LIMCH1: variants seen among roughly 807,000 people sequenced by gnomAD.
The protein encoded by LIMCH1 is LIM and calponin homology domains 1, also known as LIM and calponin homology domains-containing protein 1.
LIMCH1 carries 113 observed loss-of-function variants against 176.5 expected under a neutral mutation model. The observed-to-expected ratio is 0.64, with a 90% CI of 0.55 to 0.75. The LOEUF (loss-of-function observed/expected upper bound fraction) is 0.75. Ranked by LOEUF, LIMCH1 falls within the 30% of genes least tolerant of loss-of-function variation. LIMCH1 has a pLI of 0.00. For synonymous variants in LIMCH1, 619 were observed against 645.9 expected, an observed-to-expected ratio of 0.96 and a Z score of 0.63; for missense variants, 1,674 against 1,814.9, an observed-to-expected ratio of 0.92 and a Z score of 1.41.
At chr4:41,426,225 T>C (rs879166666) in intron 1 of LIMCH1, among the ~76,000 whole-genome samples, 1 of 151,308 alleles carries the variant, frequency 6.6e-6, no homozygotes, top group Non-Finnish European at 1.5e-5. Flanking sequence ...GTTTCACCGT[T>C]TTAGCCGGGA....
At chr4:41,565,267 C>CT (rs2082568412) in intron 1 of LIMCH1, among the ~76,000 whole-genome samples, 1 of 151,114 alleles carries the variant, frequency 6.6e-6, no homozygotes, top group Non-Finnish European at 1.5e-5. Context: ...GATCTCCTTG[C>CT]TTTATGCATA....
At chr4:41,587,700 A>G (rs1282385216) in intron 1 of LIMCH1, among the ~76,000 whole-genome samples, 2 of 141,590 alleles carry the variant, frequency 1.4e-5, no homozygotes, top group African/African-American at 5.7e-5. Context: ...TCACTTGCAA[A>G]TAAGAGTCCC....
chr4:41,453,303 C>A (rs1281161797), intron 1 of LIMCH1, among the ~76,000 whole-genome samples: 1 of 152,174 alleles, frequency 6.6e-6, no homozygotes, highest in Non-Finnish European at 1.5e-5. Context: ...CCCACCTAGT[C>A]AAAAATCTGT....
At chr4:41,672,724 G>A (rs192268758) in intron 22 of LIMCH1, among the ~76,000 whole-genome samples, 3 of 152,218 alleles carry the variant, frequency 2.0e-5, no homozygotes, top group South Asian at 2.1e-4. Flanking sequence ...GGCCTTGTTC[G>A]CCCTCTGGAA....
At chr4:41,572,718 T>TCA (rs767897709) in intron 1 of LIMCH1, among the ~76,000 whole-genome samples, 3 of 152,190 alleles carry the variant, frequency 2.0e-5, no homozygotes, top group Non-Finnish European at 4.4e-5. Context: ...CAGAGTATTG[T>TCA]CACATGGTGT....
intron 1 of LIMCH1, among the ~76,000 whole-genome samples, chr4:41,539,596 G>A (rs2078366877): frequency 6.6e-6 from 1 of 152,128 alleles, no homozygotes. Context: ...CTAATCATCG[G>A]GCAGAGAGGG....
chr4:41,476,974 G>A (rs538074638), intron 1 of LIMCH1, among the ~76,000 whole-genome samples: 12 of 152,246 alleles, frequency 7.9e-5, no homozygotes, highest in South Asian at 2.1e-4. Context: ...AGGAAAAGGC[G>A]CATTGAAGAG....
intron 1 of LIMCH1, among the ~76,000 whole-genome samples, chr4:41,452,626 A>G (rs1353097190): frequency 6.6e-6 from 1 of 152,202 alleles, no homozygotes; most frequent in African/African-American, 2.4e-5. Context: ...GTAGACTCTA[A>G]GAGGCAGGGA....
intron 21 of LIMCH1, chr4:41,670,821 C>T: frequency 6.5e-7 from 1 of 1,534,720 alleles, no homozygotes; most frequent in Non-Finnish European, 8.7e-7. Context: ...AGCTGTATTT[C>T]TTTTGTGCGA....
intron 4 of LIMCH1, among the ~76,000 whole-genome samples, chr4:41,610,974 AGGAAGT>A (rs1369969840): frequency 1.3e-5 from 2 of 152,234 alleles, no homozygotes; most frequent in African/African-American, 4.8e-5. Context: ...TAACTCTGAA[AGGAAGT>A]GCTCACTGGA....
chr4:41,682,845 T>G (rs1717358950), intron 26 of LIMCH1, among the ~76,000 whole-genome samples: 1 of 151,924 alleles, frequency 6.6e-6, no homozygotes, highest in Non-Finnish European at 1.5e-5. Flanking sequence ...CCCAGCTAAT[T>G]TTTGTATTTT....
At chr4:41,437,543 A>T (rs986239715) in intron 1 of LIMCH1, among the ~76,000 whole-genome samples, 3 of 152,228 alleles carry the variant, frequency 2.0e-5, no homozygotes, top group African/African-American at 7.2e-5. Flanking sequence ...GCACAATTTT[A>T]CAGGCATACG....
At chr4:41,462,703 G>A (rs1417941214) in intron 1 of LIMCH1, among the ~76,000 whole-genome samples, 2 of 152,092 alleles carry the variant, frequency 1.3e-5, no homozygotes, top group African/African-American at 4.8e-5. Context: ...AAACCACAAA[G>A]CAATTTACTT....
At chr4:41,639,978 A>G (rs995650160) in intron 14 of LIMCH1, among the ~76,000 whole-genome samples, 6 of 152,204 alleles carry the variant, frequency 3.9e-5, no homozygotes, top group Non-Finnish European at 8.8e-5. Flanking sequence ...ATTTCCACCA[A>G]TGACAATGAG....
rs1202509874 is a variant in LIMCH1, at chr4:41,494,562, TA to T, written c.126del (p.Asp43IlefsTer6). On this transcript the variant is annotated frameshift_variant, in exon 2 of 27. Coordinates refer to the LIMCH1 transcript ENST00000313860. LOFTEE classifies it high-confidence loss of function. The stretch of plus-strand genomic sequence containing the variant: ...AAGTAACTGGCAGAAGTTTTGGTGA[TA>T]AAGATTTTCGGACAGGTTTAGAAAA... The T allele has an allele frequency of 2.5e-6, 4 of 1,613,392 alleles. No homozygotes were observed. The highest frequency in any genetic ancestry group is 3.4e-6 in the Non-Finnish European group (4 of 1,179,678).
In LIMCH1 at chr4:41,366,376, G is replaced by A. The variant is rs1368753416; in HGVS notation, c.96+5440G>A. Among the ~76,000 whole-genome samples the A allele has an allele frequency of 2.6e-5, 4 of 152,226 alleles. 1 individual carries two copies. Among genetic ancestry groups the A allele is most frequent in the Admixed American group, 2.0e-4 (3 of 15,288 alleles). ...ACCAAACTGTTCTTACTGGAATTAG[G>A]TTTTCCTTTTAAGCCCAGTTCACTG... On this transcript the variant is annotated intron_variant, in intron 1 of 26. Transcript: ENST00000313860.
In LIMCH1 at chr4:41,469,229, T is replaced by C. The variant is rs564562452; in HGVS notation, c.97-25307T>C. ...TGAAATAAAGCCAAGCACATTTGAG[T>C]GACTGACACTCCTCCTCTTCTGTTG... On this transcript the variant is annotated intron_variant, in intron 1 of 26. Transcript: ENST00000313860. Among the ~76,000 whole-genome samples, 3 of 152,312 alleles carry C rather than the reference T, an allele frequency of 2.0e-5. No individual in the cohort carries two copies. The East Asian group carries it at 5.8e-4, about 29-fold the overall frequency.
intron 1 of LIMCH1, among the ~76,000 whole-genome samples, chr4:41,575,758 T>C (rs1019275098): frequency 1.3e-5 from 2 of 152,174 alleles, no homozygotes; most frequent in East Asian, 3.8e-4. Flanking sequence ...CTGGTGGTAG[T>C]AGATATTTGC....
intron 27 of LIMCH1, 121 bp from the exon 28 acceptor site, chr4:41,685,589 A>G (rs939980525): frequency 2.3e-5 from 27 of 1,173,440 alleles, no homozygotes; most frequent in Non-Finnish European, 3.2e-5. Context: ...CCATGTGCCC[A>G]TGACCTGCAT....
Sources: gnomAD v4.1 joint callset for allele counts (sites outside exome capture counted in the v4.1 genomes callset) on GRCh38, gnomAD v4.1.1 for gene constraint, MANE v1.5 for transcripts, NCBI Gene and HGNC (gene_info 2026-07-23, HGNC 2026-07-21) for gene names.